CHN2: variants seen among roughly 807,000 people sequenced by gnomAD.
CHN2 encodes beta-chimaerin.
A neutral mutation model predicts 56.3 loss-of-function variants in CHN2; 35 were observed. The ratio of observed to expected loss-of-function variants is 0.62; its 90% CI spans 0.47 to 0.82. The LOEUF is 0.82. Ranked by LOEUF, CHN2 falls within the 40% of genes least tolerant of loss-of-function variation. The pLI is 0.00. For missense variants in CHN2, 491 were observed against 580.5 expected (o/e 0.85, Z 1.58); for synonymous variants, 210 against 212.8 (o/e 0.99, Z 0.12).
intron 6 of CHN2, among the ~76,000 whole-genome samples, chr7:29,478,403 G>A (rs764835233): frequency 2.6e-5 from 4 of 152,170 alleles, no homozygotes; most frequent in Non-Finnish European, 5.9e-5. Context: ...GATTGTTGTA[G>A]AGCGATGTGT....
intron 1 of CHN2, among the ~76,000 whole-genome samples, chr7:29,297,203 G>A (rs533466737): frequency 6.6e-6 from 1 of 152,320 alleles, no homozygotes; most frequent in East Asian, 1.9e-4. Context: ...TTGAATCCCA[G>A]GTTCCACCCT....
At chr7:29,505,156 T>G (rs1356880840) in intron 10 of CHN2, among the ~76,000 whole-genome samples, 1 of 152,168 alleles carries the variant, frequency 6.6e-6, no homozygotes, top group East Asian at 1.9e-4. Flanking sequence ...AGCACTAATG[T>G]AGGGGAAGGC....
In CHN2 at chr7:29,509,701, C is replaced by T. The variant is rs1254864450; in HGVS notation, c.1235+295C>T. The T allele has an allele frequency of 2.3e-5, 5 of 215,924 alleles. 1 individual carries two copies. The highest frequency in any genetic ancestry group is 1.4e-4 in the South Asian group (2 of 14,334). The allele number at this position is 215,924 out of a possible 1,614,324, so 13.4% of individuals were successfully genotyped here. On this transcript the variant is annotated intron_variant, in intron 12 of 12. Transcript: ENST00000222792. The stretch of plus-strand genomic sequence containing the variant: ...CTACTAAAAATACAAAAAAATTAGC[C>T]GGGCGTGGTGGCAGCCGCCTGTAGT...
chr7:29,186,977 T>C (rs1466875741), intron 2 of CHN2, among the ~76,000 whole-genome samples: 1 of 152,142 alleles, frequency 6.6e-6, no homozygotes, highest in Non-Finnish European at 1.5e-5. Flanking sequence ...TTTCCCCAAA[T>C]GGAAAATGAG....
chr7:29,447,675 G>T lies in CHN2; in HGVS notation c.577-32604G>T, dbSNP rs984130632. On this transcript the variant is annotated intron_variant, in intron 6 of 12. Transcript: ENST00000222792. ...AGTGGTAGGAGGGAGGGGTTTCAAA[G>T]GAGCACAAGGACAGTTTTTGGTGAG... 4.6e-5 allele frequency among the ~76,000 whole-genome samples: 7 copies of T among 152,264 alleles called. 2 individuals are homozygous for T. Among genetic ancestry groups the T allele is most frequent in the Admixed American group, 4.6e-4 (7 of 15,300 alleles).
chr7:29,356,388 C>A (rs1308674630), intron 2 of CHN2, among the ~76,000 whole-genome samples: 1 of 152,082 alleles, frequency 6.6e-6, no homozygotes, highest in Non-Finnish European at 1.5e-5. Flanking sequence ...ACATAAAAGA[C>A]AGATATTAGG....
intron 6 of CHN2, among the ~76,000 whole-genome samples, chr7:29,433,951 T>C (rs1783042247): frequency 6.6e-6 from 1 of 151,800 alleles, no homozygotes; most frequent in African/African-American, 2.4e-5. Context: ...GGAAGGAATC[T>C]ATCTTACAGT....
chr7:29,511,874 A>G (rs755500740), intron 12 of CHN2, among the ~76,000 whole-genome samples: 18 of 152,096 alleles, frequency 1.2e-4, no homozygotes, highest in Non-Finnish European at 2.6e-4. Context: ...GTGTTAAACC[A>G]GCTTTGCAGT....
intron 6 of CHN2, among the ~76,000 whole-genome samples, chr7:29,466,886 C>A (rs1390401809): frequency 6.6e-6 from 1 of 151,902 alleles, no homozygotes; most frequent in Non-Finnish European, 1.5e-5. Context: ...TTTTCTCATA[C>A]CATTTATAAA....
At chr7:29,186,993 C>A (rs1190940730) in intron 2 of CHN2, among the ~76,000 whole-genome samples, 1 of 152,078 alleles carries the variant, frequency 6.6e-6, no homozygotes, top group Non-Finnish European at 1.5e-5. Flanking sequence ...ATGAGGATAA[C>A]AATTCTCACT....
chr7:29,358,260 T>C (rs1182466374), intron 2 of CHN2, among the ~76,000 whole-genome samples: 2 of 152,146 alleles, frequency 1.3e-5, no homozygotes, highest in Non-Finnish European at 2.9e-5. Flanking sequence ...TAACCAGGCA[T>C]GGTGGCATGC....
intron 1 of CHN2, among the ~76,000 whole-genome samples, chr7:29,250,610 G>A (rs530240171): frequency 1.0e-3 from 152 of 152,192 alleles, no homozygotes; most frequent in Middle Eastern, 3.4e-3. Flanking sequence ...TCTGATTTCC[G>A]GTTAAACCTT....
chr7:29,160,628 C>G (rs978150655), intron 2 of CHN2, among the ~76,000 whole-genome samples: 6 of 152,132 alleles, frequency 3.9e-5, no homozygotes, highest in African/African-American at 1.2e-4. Flanking sequence ...TCAGCCCTAA[C>G]CCCAGCACCT....
chr7:29,396,459 C>CAAAAAAA (rs35163855), intron 4 of CHN2, among the ~76,000 whole-genome samples: 62 of 56,532 alleles, frequency 1.1e-3, no homozygotes, highest in African/African-American at 4.2e-3. Context: ...AGACTCTCTC[C>CAAAAAAA]AAAAAAAAAA....
intron 2 of CHN2, among the ~76,000 whole-genome samples, chr7:29,177,989 AC>A (rs1248520152): frequency 6.6e-6 from 1 of 152,022 alleles, no homozygotes; most frequent in African/African-American, 2.4e-5. Flanking sequence ...AAGTGGCACC[AC>A]CAGCCATTTA....
Position 29,448,895 on chromosome 7 carries a change from A to G in CHN2, c.577-31384A>G, listed in dbSNP as rs145413912. ...CAACCAGACTGTAAACTCCTTGAGA[A>G]CAGAAACCAGTCCTGGCATCCAGTA... is the stretch of plus-strand genomic sequence containing the variant. On this transcript the variant is annotated intron_variant, in intron 6 of 12. Transcript: ENST00000222792. Among the ~76,000 whole-genome samples, 822 of 152,342 alleles carry G rather than the reference A, an allele frequency of 5.4e-3. 4 individuals are homozygous for G. Among genetic ancestry groups the G allele is most frequent in the African/African-American group, 0.018 (769 of 41,576 alleles).
intron 1 of CHN2, among the ~76,000 whole-genome samples, chr7:29,218,336 C>T (rs1584769274): frequency 6.6e-6 from 1 of 152,084 alleles, no homozygotes; most frequent in African/African-American, 2.4e-5. Flanking sequence ...AAGGTTATAT[C>T]CTAGTAAGAT....
At chr7:29,360,319 C>G (rs1386801181) in intron 2 of CHN2, among the ~76,000 whole-genome samples, 3 of 152,074 alleles carry the variant, frequency 2.0e-5, no homozygotes. Context: ...GTTGGGAGTT[C>G]GAGACCAGCC....
chr7:29,235,722 TCATGTCCTTTGCAGCAA>T (rs1385041661), intron 1 of CHN2, among the ~76,000 whole-genome samples: 3 of 152,204 alleles, frequency 2.0e-5, no homozygotes, highest in Non-Finnish European at 4.4e-5. Context: ...AAGAATGAAA[TCATGTCCTTTGCAGCAA>T]CATGGATGGA....
Sources: gnomAD v4.1 joint callset for allele counts (sites outside exome capture counted in the v4.1 genomes callset) on GRCh38, gnomAD v4.1.1 for gene constraint, MANE v1.5 for transcripts, NCBI Gene and HGNC (gene_info 2026-07-23, HGNC 2026-07-21) for gene names.